Variants in RBPMS2 observed in about 807,000 individuals in gnomAD.
RBPMS2 encodes the protein RNA binding protein, mRNA processing factor 2.
In RBPMS2, 14 loss-of-function variants were observed where a neutral mutation model predicts 25.7. The ratio of observed to expected loss-of-function variants is 0.55; its 90% confidence interval spans 0.36 to 0.85. The LOEUF is 0.85. RBPMS2 is among the 40% of genes least tolerant of loss of function. RBPMS2 has a pLI of 0.01. For synonymous variants in RBPMS2, 127 were observed against 115.6 expected (o/e 1.10, Z -0.63); for missense variants, 252 against 283.4 (o/e 0.89, Z 0.80).
intron 6 of RBPMS2, among the ~76,000 whole-genome samples, chr15:64,743,693 C>T (rs558241281): frequency 2.0e-4 from 30 of 152,302 alleles, no homozygotes; most frequent in Admixed American, 4.6e-4. Flanking sequence ...GACCAGGTTC[C>T]GAGAGGGCTG....
chr15:64,762,522 C>T (rs746248363), intron 1 of RBPMS2: 6 of 534,554 alleles, frequency 1.1e-5, no homozygotes, highest in South Asian at 8.4e-5. Context: ...CTGGCTTCCC[C>T]AAGGGAAAGA....
At chr15:64,756,302 G>A (rs780880616) in intron 1 of RBPMS2, among the ~76,000 whole-genome samples, 5 of 152,100 alleles carry the variant, frequency 3.3e-5, no homozygotes, top group African/African-American at 1.2e-4. Flanking sequence ...GATCACTTGC[G>A]GTCAGGAGCT....
chr15:64,766,163 G>A (rs1043288135), intron 1 of RBPMS2, among the ~76,000 whole-genome samples: 2 of 152,314 alleles, frequency 1.3e-5, no homozygotes, highest in African/African-American at 4.8e-5. Context: ...CGTCCTCCTT[G>A]GAGGTTGGAG....
intron 6 of RBPMS2, among the ~76,000 whole-genome samples, chr15:64,745,265 G>A (rs940276624): frequency 6.6e-6 from 1 of 152,152 alleles, no homozygotes; most frequent in Non-Finnish European, 1.5e-5. Context: ...AAGCCAAAGG[G>A]AAGAGAACAA....
rs1250705488 is a variant in RBPMS2, at chr15:64,740,524, G to A, written c.*484C>T. 6.7e-6 allele frequency: 1 copy of A among 149,772 alleles called. No homozygotes were observed. Among genetic ancestry groups the A allele is most frequent in the East Asian group, 1.9e-4 (1 of 5,200 alleles). 9.3% of individuals were successfully genotyped at this position (149,772 alleles called of 1,614,324 possible). ...CTCCCTGAAGCGGGGTGGGTGCAGG[G>A]GCGGGGCGAGGAGAGAGGGGCAGGC... On this transcript the variant is annotated 3_prime_UTR_variant, in exon 8 of 8. Transcript: ENST00000300069.
At chr15:64,747,195 C>T (rs1379133658) in intron 6 of RBPMS2, among the ~76,000 whole-genome samples, 1 of 152,124 alleles carries the variant, frequency 6.6e-6, no homozygotes, top group Admixed American at 6.5e-5. Flanking sequence ...AGGGAGCATT[C>T]CCCTGCTGGG....
intron 6 of RBPMS2, among the ~76,000 whole-genome samples, chr15:64,745,568 A>C (rs553410869): frequency 6.6e-6 from 1 of 152,312 alleles, no homozygotes; most frequent in East Asian, 1.9e-4. Flanking sequence ...GGAACGTAAA[A>C]TGAAATCCAG....
At chr15:64,748,246 T>G (rs11632113) in intron 6 of RBPMS2, among the ~76,000 whole-genome samples, 173 bp downstream of exon 6, 113,017 of 152,110 alleles carry the variant, frequency 0.74, 45,656 homozygotes, top group East Asian at 0.96. Context: ...TGTCAAATCC[T>G]AAACCCAAGG....
At chr15:64,758,358 A>G (rs2083752716) in intron 1 of RBPMS2, among the ~76,000 whole-genome samples, 1 of 152,254 alleles carries the variant, frequency 6.6e-6, no homozygotes. Context: ...TCAGGTCCTC[A>G]GCACAGCTGG....
rs753180915 is a variant in RBPMS2 at position 64,748,468 on chromosome 15, G to T, written c.518C>A (p.Ala173Glu). 6.2e-7 allele frequency: 1 copy of T among 1,614,106 alleles called. No homozygotes were observed. Among genetic ancestry groups the T allele is most frequent in the Admixed American group, 1.7e-5 (1 of 60,012 alleles). The change falls in exon 6 of 8, where the codon GCG becomes GAG. Residue 173 changes from alanine to glutamate, a missense_variant. Ala to Glu is a moderately radical substitution (Grantham distance 107). Transcript: ENST00000300069. ...TELTPAISHA[A>E]FTYPTATAAA... ...GGCAGTGGCAGTTGGGTAGGTGAAC[G>T]CAGCATGGGAGATGGCTGGGGTCAG...
At chr15:64,746,811 A>G (rs1286979536) in intron 6 of RBPMS2, among the ~76,000 whole-genome samples, 1 of 152,162 alleles carries the variant, frequency 6.6e-6, no homozygotes, top group Non-Finnish European at 1.5e-5. Flanking sequence ...CATTTTACAG[A>G]TGGGGACACA....
chr15:64,754,928 C>T (rs889247616), intron 1 of RBPMS2, among the ~76,000 whole-genome samples: 1 of 152,188 alleles, frequency 6.6e-6, no homozygotes, highest in African/African-American at 2.4e-5. Context: ...CTCTCCTCCC[C>T]TTCCTCCCCA....
intron 7 of RBPMS2, 71 bp downstream of exon 7, chr15:64,741,102 G>A (rs2083557431): frequency 1.7e-6 from 2 of 1,211,882 alleles, no homozygotes; most frequent in East Asian, 2.5e-5. Context: ...CGGGGCAGAG[G>A]GAGGAACTAC....
At chr15:64,755,128 T>A (rs1037118998) in intron 1 of RBPMS2, among the ~76,000 whole-genome samples, 2 of 152,132 alleles carry the variant, frequency 1.3e-5, no homozygotes. Flanking sequence ...GAGTTTCCGC[T>A]TGGGGTAGGG....
chr15:64,744,573 A>AG (rs935122580), intron 6 of RBPMS2, among the ~76,000 whole-genome samples: 1 of 125,108 alleles, frequency 8.0e-6, no homozygotes, highest in Non-Finnish European at 1.7e-5. Context: ...AAAAAAAAAA[A>AG]GAAAGAAAGA....
intron 1 of RBPMS2, among the ~76,000 whole-genome samples, chr15:64,753,979 A>G (rs943281964): frequency 3.3e-5 from 5 of 152,148 alleles, no homozygotes; most frequent in African/African-American, 4.8e-5. Context: ...CCAAGGTCAC[A>G]TGGCTTGTTC....
At chr15:64,772,216 A>T (rs1270385859) in intron 1 of RBPMS2, among the ~76,000 whole-genome samples, 1 of 152,212 alleles carries the variant, frequency 6.6e-6, no homozygotes, top group East Asian at 1.9e-4. Context: ...CCCTCTTCAG[A>T]GACATGGTAA....
Position 64,751,607 on chromosome 15 carries a change from A to C in RBPMS2, c.119T>G (p.Val40Gly), listed in dbSNP as rs1247676986. ...GTAGAGTTCTCTGGGTTTAATGTCC[A>C]CAGGGAGGCCGCTGACAAACAGTGT... is the stretch of plus-strand genomic sequence containing the variant. ...VRTLFVSGLP[V>G]DIKPRELYLL... The change falls in exon 2 of 8, where the codon GTG becomes GGG. Residue 40 changes from valine (V) to glycine (G), a missense_variant. Physicochemically the swap from Val to Gly is moderately radical, Grantham distance 109. Coordinates refer to ENST00000300069, the MANE Select transcript of RBPMS2 (RefSeq NM_194272.3). 1.2e-6 allele frequency: 2 copies of C among 1,613,878 alleles called. No individual in the cohort carries two copies. The highest frequency in any genetic ancestry group is 2.7e-5 in the African/African-American group (2 of 74,876).
intron 6 of RBPMS2, among the ~76,000 whole-genome samples, chr15:64,744,489 C>T (rs2083594490): frequency 2.7e-5 from 4 of 146,628 alleles, no homozygotes; most frequent in Admixed American, 1.4e-4. Flanking sequence ...ACCTGGGAGG[C>T]GGAGGTTGAG....
Sources: gnomAD v4.1 joint callset for allele counts (sites outside exome capture counted in the v4.1 genomes callset) on GRCh38, gnomAD v4.1.1 for gene constraint, MANE v1.5 for transcripts, NCBI Gene and HGNC (gene_info 2026-07-23, HGNC 2026-07-21) for gene names.